SVEP1: variants seen among roughly 807,000 people sequenced by gnomAD.
SVEP1 encodes the protein sushi, von Willebrand factor type A, EGF and pentraxin domain-containing protein 1.
Under a neutral mutation model 367.3 loss-of-function variants are expected in SVEP1, and 164 were observed. The ratio of observed to expected loss-of-function variants is 0.45; its 90% CI spans 0.39 to 0.51. SVEP1 has a LOEUF of 0.51. Ranked by LOEUF, SVEP1 falls within the 20% of genes least tolerant of loss-of-function variation. SVEP1 has a pLI of 0.00. For synonymous variants in SVEP1, 1,666 were observed against 1,611.6 expected (o/e 1.03, Z -0.81); for missense variants, 4,117 against 4,425.3 (o/e 0.93, Z 1.98).
In SVEP1 at chr9:110,579,447, G is replaced by A; in HGVS notation, c.97C>T (p.Arg33Cys). Residue 33 changes from arginine to cysteine, a missense_variant, in exon 1 of 48, where the codon CGC (arginine) becomes TGC (cysteine). Arg to Cys is a radical substitution (Grantham distance 180). Transcript: ENST00000374469. The surrounding 1 kb of genome is among the most constrained non-coding windows in gnomAD (Gnocchi z 5.3). ...CCGGGCGCGGTCTCGGGGAAGAGGC[G>A]GAAGCTGAAATTGCGCGACGGGGAC... ...QMSPSRNFSF[R>C]LFPETAPGAP... 1.3e-6 allele frequency: 2 copies of A among 1,597,222 alleles called. No homozygotes were observed. The highest frequency in any genetic ancestry group is 1.7e-5 in the Admixed American group (1 of 58,178).
chr9:110,561,613 T>A (rs192744691), intron 1 of SVEP1, among the ~76,000 whole-genome samples: 373 of 152,268 alleles, frequency 2.4e-3, no homozygotes, highest in African/African-American at 8.6e-3. Context: ...TATGTAAACT[T>A]ATTTTACCAG....
At chr9:110,393,298 G>A (rs1432544227) in intron 40 of SVEP1, among the ~76,000 whole-genome samples, 1 of 152,138 alleles carries the variant, frequency 6.6e-6, no homozygotes, top group East Asian at 1.9e-4. Flanking sequence ...ATATATATAA[G>A]CCTGGTCCCA....
chr9:110,367,248 C>A (rs374688595), intron 47 of SVEP1, among the ~76,000 whole-genome samples: 31 of 152,346 alleles, frequency 2.0e-4, no homozygotes, highest in East Asian at 1.9e-3. Flanking sequence ...CAACCTCTGC[C>A]TCCTGGGTTC....
intron 36 of SVEP1, among the ~76,000 whole-genome samples, chr9:110,416,044 C>G (rs1450193237): frequency 2.0e-5 from 3 of 151,702 alleles, no homozygotes; most frequent in Admixed American, 6.6e-5. Context: ...CCCGAAACAC[C>G]TGGTAGAAAA....
chr9:110,382,169 T>G (rs1827448766), intron 43 of SVEP1, among the ~76,000 whole-genome samples: 1 of 152,124 alleles, frequency 6.6e-6, no homozygotes, highest in South Asian at 2.1e-4. Context: ...TTGCTTCATC[T>G]TGTCATTGAT....
chr9:110,425,664 G>T (rs1446649233), intron 36 of SVEP1, among the ~76,000 whole-genome samples: 1 of 152,102 alleles, frequency 6.6e-6, no homozygotes, highest in African/African-American at 2.4e-5. Context: ...TGTCTTAATT[G>T]ATTCTTTAAA....
Position 110,430,500 on chromosome 9 carries a change from T to C in SVEP1, c.5354-50A>G, listed in dbSNP as rs777099671. 3.9e-6 allele frequency: 6 copies of C among 1,538,272 alleles called. 1 individual carries two copies. The highest frequency in any genetic ancestry group is 2.4e-5 in the South Asian group (2 of 81,986). On this transcript the variant is annotated intron_variant, in intron 32 of 47. Transcript: ENST00000374469. The stretch of plus-strand genomic sequence containing the variant: ...ATAATAAGTGGCTTTCACACAACCA[T>C]GCAAAGTCTCACAGCAAAAGAATTC...
chr9:110,543,260 A>C (rs1463779062), intron 3 of SVEP1, among the ~76,000 whole-genome samples: 1 of 152,176 alleles, frequency 6.6e-6, no homozygotes, highest in Non-Finnish European at 1.5e-5. Context: ...ATTGAAGATG[A>C]CCATATGAAA....
chr9:110,378,360 G>A (rs1052343189), intron 44 of SVEP1, among the ~76,000 whole-genome samples: 1 of 152,082 alleles, frequency 6.6e-6, no homozygotes, highest in African/African-American at 2.4e-5. Flanking sequence ...TCTTTCTCTT[G>A]CAATAGCCCC....
At chr9:110,502,856 C>T (rs1829556975) in intron 6 of SVEP1, among the ~76,000 whole-genome samples, 182 bp downstream of exon 6, 1 of 152,230 alleles carries the variant, frequency 6.6e-6, no homozygotes, top group South Asian at 2.1e-4. Context: ...AGTTCCTTTA[C>T]TAGTGGAGAG....
At chr9:110,434,889 C>T (rs913158438) in intron 29 of SVEP1, among the ~76,000 whole-genome samples, 5 of 151,616 alleles carry the variant, frequency 3.3e-5, no homozygotes, top group African/African-American at 1.2e-4. Flanking sequence ...GCTACCTGTT[C>T]CTAGATACCT....
intron 3 of SVEP1, among the ~76,000 whole-genome samples, chr9:110,516,669 T>C (rs192377830): frequency 1.3e-5 from 2 of 151,954 alleles, no homozygotes; most frequent in Admixed American, 1.3e-4. Flanking sequence ...TCAAGATAAA[T>C]AGAGAGATAG....
chr9:110,486,910 G>T (rs1829287336), intron 9 of SVEP1, among the ~76,000 whole-genome samples: 1 of 150,792 alleles, frequency 6.6e-6, no homozygotes, highest in Non-Finnish European at 1.5e-5. Flanking sequence ...CTCCCAATGT[G>T]CTGGGATTAC....
chr9:110,460,634 C>A lies in SVEP1; in HGVS notation c.3323-1521G>T, dbSNP rs1828844299. 2.0e-5 allele frequency among the ~76,000 whole-genome samples: 3 copies of A among 152,118 alleles called. No individual in the cohort carries two copies. The South Asian group carries it at 6.2e-4, about 32-fold the overall frequency. On this transcript the variant is annotated intron_variant, in intron 18 of 47. Coordinates refer to ENST00000374469, the MANE Select transcript of SVEP1 (RefSeq NM_153366.4). ...CAGTGTGGTGTCAGGTACCTGTAAT[C>A]CCAGCTACTTAAGAGGCTAAGGCAG...
chr9:110,551,303 G>A (rs188476116), intron 1 of SVEP1, among the ~76,000 whole-genome samples: 56 of 152,266 alleles, frequency 3.7e-4, no homozygotes, highest in South Asian at 2.5e-3. Context: ...ATTCATGTCC[G>A]TAGAAAGCAA....
At chr9:110,558,708 A>G (rs1326313155) in intron 1 of SVEP1, among the ~76,000 whole-genome samples, 4 of 152,086 alleles carry the variant, frequency 2.6e-5, no homozygotes, top group Non-Finnish European at 5.9e-5. Flanking sequence ...ACAGAGATCC[A>G]CATTGCTCAT....
intron 40 of SVEP1, among the ~76,000 whole-genome samples, chr9:110,392,735 ATT>A (rs150713916): frequency 0.19 from 29,311 of 151,986 alleles, 2,943 homozygotes; most frequent in Middle Eastern, 0.32. Flanking sequence ...AGAGATTCTA[ATT>A]TTTTTAAAAG....
At chr9:110,423,935 A>T (rs1828213977) in intron 36 of SVEP1, among the ~76,000 whole-genome samples, 1 of 152,214 alleles carries the variant, frequency 6.6e-6, no homozygotes, top group Non-Finnish European at 1.5e-5. Flanking sequence ...TTCTGGGAAG[A>T]AACAATGGGA....
intron 13 of SVEP1, among the ~76,000 whole-genome samples, chr9:110,479,408 T>C (rs375799526): frequency 1.3e-5 from 2 of 152,286 alleles, no homozygotes; most frequent in South Asian, 4.2e-4. Flanking sequence ...ACCTTAAGCT[T>C]CTCTGACTTC....
Sources: allele counts gnomAD v4.1 joint callset (sites outside exome capture counted in the v4.1 genomes callset), GRCh38; gene constraint gnomAD v4.1.1; non-coding constraint Gnocchi (gnomAD v3.1); transcripts MANE v1.5; gene names NCBI Gene and HGNC (gene_info 2026-07-23, HGNC 2026-07-21).